ZNF804B: variants seen among roughly 807,000 people sequenced by gnomAD.
ZNF804B encodes zinc finger 804B.
A neutral mutation model predicts 101.4 loss-of-function variants in ZNF804B; 80 were observed. The observed-to-expected ratio is 0.79, with a 90% CI of 0.66 to 0.95. ZNF804B has a LOEUF of 0.95. ZNF804B is among the 40% of genes least tolerant of loss of function. The probability of loss-of-function intolerance (pLI) is 0.00; values close to 1 mark genes in which losing one functional copy is unlikely to be tolerated. For missense variants in ZNF804B, 1,673 were observed against 1,561.9 expected (o/e 1.07, Z -1.20); for synonymous variants, 622 against 558.8 (o/e 1.11, Z -1.59).
chr7:89,019,690 C>A (rs765797468), intron 1 of ZNF804B, among the ~76,000 whole-genome samples: 1 of 151,900 alleles, frequency 6.6e-6, no homozygotes, highest in Non-Finnish European at 1.5e-5. Flanking sequence ...TTATTATATC[C>A]TCTTACTGAA....
intron 1 of ZNF804B, among the ~76,000 whole-genome samples, chr7:88,961,455 AT>A (rs1562844591): frequency 6.6e-6 from 1 of 151,396 alleles, no homozygotes; most frequent in Non-Finnish European, 1.5e-5. Context: ...AGTTTGAGGT[AT>A]CCACAAAGGA....
chr7:89,082,223 C>T (rs2189058), intron 1 of ZNF804B, among the ~76,000 whole-genome samples: 53,291 of 151,218 alleles, frequency 0.35, 10,532 homozygotes, highest in East Asian at 0.54. Flanking sequence ...AACTCAACAG[C>T]CATCCTAAAT....
At chr7:89,025,588 A>G (rs1788737643) in intron 1 of ZNF804B, among the ~76,000 whole-genome samples, 1 of 152,156 alleles carries the variant, frequency 6.6e-6, no homozygotes, top group African/African-American at 2.4e-5. Flanking sequence ...GTTATCTGAC[A>G]TTGCCCATTC....
chr7:89,210,302 C>G (rs1788782764), intron 1 of ZNF804B, among the ~76,000 whole-genome samples: 1 of 151,988 alleles, frequency 6.6e-6, no homozygotes, highest in Non-Finnish European at 1.5e-5. Context: ...CCTGAAAACC[C>G]TAATTATGCA....
At chr7:88,901,685 G>T (rs1385200852) in intron 1 of ZNF804B, among the ~76,000 whole-genome samples, 1 of 151,838 alleles carries the variant, frequency 6.6e-6, no homozygotes, top group Non-Finnish European at 1.5e-5. Flanking sequence ...GTTTTGGTTA[G>T]ATTTGATCCA....
rs1792354773 is a variant in ZNF804B, at chr7:88,899,288, A to T, written c.108+139204A>T. 2.6e-5 allele frequency among the ~76,000 whole-genome samples: 4 copies of T among 152,168 alleles called. No individual in the cohort carries two copies. The South Asian group carries it at 8.3e-4, about 32-fold the overall frequency. Reference sequence around the variant, plus strand: ...GTAGCTAAAATAAGCCAAATAAATGATCCTATCAAAACTTTCTGGGGACGG... The same window carrying T: ...GTAGCTAAAATAAGCCAAATAAATGTTCCTATCAAAACTTTCTGGGGACGG... On this transcript the variant is annotated intron_variant, in intron 1 of 3. Coordinates refer to ENST00000333190, the MANE Select transcript of ZNF804B (RefSeq NM_181646.5).
intron 1 of ZNF804B, among the ~76,000 whole-genome samples, chr7:89,215,580 G>C (rs567551240): frequency 4.6e-4 from 55 of 119,400 alleles, no homozygotes; most frequent in African/African-American, 1.7e-3. Flanking sequence ...CTGTCATAAG[G>C]AAGAAAGAAG....
At chr7:89,196,492 G>T (rs1294016516) in intron 1 of ZNF804B, among the ~76,000 whole-genome samples, 1 of 152,106 alleles carries the variant, frequency 6.6e-6, no homozygotes, top group Non-Finnish European at 1.5e-5. Flanking sequence ...ATGGATTAAA[G>T]ACTTAAATGT....
At chr7:89,323,454 T>C (rs1215076451) in intron 2 of ZNF804B, among the ~76,000 whole-genome samples, 1 of 152,160 alleles carries the variant, frequency 6.6e-6, no homozygotes, top group African/African-American at 2.4e-5. Context: ...CCTATGAATG[T>C]GAAGTTTAAC....
intron 1 of ZNF804B, among the ~76,000 whole-genome samples, chr7:89,131,158 T>A (rs1431943077): frequency 6.6e-6 from 1 of 151,998 alleles, no homozygotes; most frequent in Non-Finnish European, 1.5e-5. Context: ...AAAATCAAAT[T>A]GACTTTATGC....
intron 1 of ZNF804B, among the ~76,000 whole-genome samples, chr7:88,885,974 G>T (rs1439957316): frequency 2.6e-5 from 4 of 152,104 alleles, no homozygotes; most frequent in Non-Finnish European, 5.9e-5. Flanking sequence ...TAAATGGGAA[G>T]TCTGAATTTA....
intron 1 of ZNF804B, chr7:88,794,543 T>C: frequency 6.2e-7 from 1 of 1,613,662 alleles, no homozygotes; most frequent in Non-Finnish European, 8.5e-7. Context: ...TTATGAGAAA[T>C]GACTATAATT....
At chr7:88,788,208 G>A (rs1790331012) in intron 1 of ZNF804B, among the ~76,000 whole-genome samples, 1 of 152,044 alleles carries the variant, frequency 6.6e-6, no homozygotes, top group Non-Finnish European at 1.5e-5. Flanking sequence ...GGTGGAATTT[G>A]GTGTAGTAGT....
intron 1 of ZNF804B, among the ~76,000 whole-genome samples, chr7:88,990,092 G>A (rs577703390): frequency 6.6e-6 from 1 of 151,834 alleles, no homozygotes; most frequent in Non-Finnish European, 1.5e-5. Context: ...CATCTTGTTA[G>A]TAATTTAAAA....
chr7:89,326,145 G>A (rs1790892419), intron 2 of ZNF804B, among the ~76,000 whole-genome samples: 1 of 151,846 alleles, frequency 6.6e-6, no homozygotes, highest in African/African-American at 2.4e-5. Flanking sequence ...TCTATTTTTA[G>A]AAGGATTTGA....
In ZNF804B at chr7:88,851,347, A is replaced by G. The variant is rs576004876; in HGVS notation, c.108+91263A>G. On this transcript the variant is annotated intron_variant, in intron 1 of 3. Coordinates refer to ENST00000333190, the MANE Select transcript of ZNF804B (RefSeq NM_181646.5). ...CCAAAGCACATTACCATCAAATTGC[A>G]TAAAAGAAGTGATAAAATCTTAAAA... 5.3e-5 allele frequency among the ~76,000 whole-genome samples: 8 copies of G among 152,230 alleles called. No homozygotes were observed. In the South Asian group the frequency reaches 1.5e-3, roughly 28 times the overall value.
chr7:89,151,137 T>C (rs375159122), intron 1 of ZNF804B, among the ~76,000 whole-genome samples: 208 of 152,192 alleles, frequency 1.4e-3, no homozygotes, highest in African/African-American at 4.7e-3. Flanking sequence ...AATATAAATT[T>C]AAAGGCAGCA....
At position 89,334,608 on chromosome 7, in the gene ZNF804B, T is replaced by A. The variant is rs1473529304; in HGVS notation, c.1626T>A (p.Asn542Lys). The change falls in exon 4 of 4, where the codon AAT becomes AAA. Residue 542 changes from asparagine (N) to lysine (K), a missense_variant. By Grantham distance (94) the Asn-to-Lys change is moderately conservative. Coordinates refer to ENST00000333190, the MANE Select transcript of ZNF804B (RefSeq NM_181646.5). The part of the protein sequence containing the change: ...QYPKPKTMIA[N>K]PDWEKFQRKY... Reference sequence around the variant, plus strand: ...CGAAACCAAAGACGATGATAGCTAATCCGGATTGGGAAAAATTCCAGAGGA... The same window carrying A: ...CGAAACCAAAGACGATGATAGCTAAACCGGATTGGGAAAAATTCCAGAGGA... The A allele has an allele frequency of 6.2e-7, 1 of 1,613,748 alleles. No individual in the cohort carries two copies. Among genetic ancestry groups the A allele is most frequent in the Admixed American group, 1.7e-5 (1 of 59,890 alleles).
At chr7:89,286,965 T>C (rs1790208114) in intron 2 of ZNF804B, among the ~76,000 whole-genome samples, 1 of 152,152 alleles carries the variant, frequency 6.6e-6, no homozygotes, top group Non-Finnish European at 1.5e-5. Context: ...CACATTGAGA[T>C]AGCAATGCCG....
Sources: allele counts gnomAD v4.1 joint callset (sites outside exome capture counted in the v4.1 genomes callset), GRCh38; gene constraint gnomAD v4.1.1; transcripts MANE v1.5; gene names NCBI Gene and HGNC (gene_info 2026-07-23, HGNC 2026-07-21).